Variants in KCNN2 observed in about 807,000 individuals in gnomAD.
The protein encoded by KCNN2 is small conductance calcium-activated potassium channel protein 2.
Under a neutral mutation model 55.5 loss-of-function variants are expected in KCNN2, and 24 were observed. The observed-to-expected ratio is 0.43, with a 90% CI of 0.31 to 0.61. KCNN2 has a LOEUF of 0.61. Among genes scored for constraint, KCNN2 ranks in the 20% least tolerant of loss-of-function variants. The probability of loss-of-function intolerance (pLI) is 0.08; values close to 1 mark genes in which losing one functional copy is unlikely to be tolerated. For missense variants in KCNN2, 754 were observed against 853.6 expected (o/e 0.88, Z 1.45); for synonymous variants, 431 against 336.1 (o/e 1.28, Z -3.09).
intron 2 of KCNN2, among the ~76,000 whole-genome samples, chr5:114,292,548 T>C (rs948654482): frequency 7.9e-5 from 12 of 152,226 alleles, no homozygotes; most frequent in African/African-American, 2.2e-4. Flanking sequence ...TCCATTGGTC[T>C]ATATCTCTGT....
intron 3 of KCNN2, among the ~76,000 whole-genome samples, chr5:114,456,462 C>A (rs369994248): frequency 7.1e-4 from 108 of 152,340 alleles, no homozygotes; most frequent in South Asian, 4.1e-3. Context: ...CACCCAAGAT[C>A]TCCGATGGAG....
At chr5:114,245,596 C>A (rs1754734299) in intron 2 of KCNN2, among the ~76,000 whole-genome samples, 1 of 152,156 alleles carries the variant, frequency 6.6e-6, no homozygotes, top group African/African-American at 2.4e-5. Context: ...GGATGAATTG[C>A]TTGCCTGTCT....
intron 1 of KCNN2, among the ~76,000 whole-genome samples, chr5:114,202,585 A>ATTTTTTTTTTT (rs34199170): frequency 1.1e-5 from 1 of 92,152 alleles, no homozygotes; most frequent in African/African-American, 4.3e-5. Context: ...ATATATATAT[A>ATTTTTTTTTTT]TTTTTTTTTT....
intron 2 of KCNN2, among the ~76,000 whole-genome samples, chr5:114,310,701 C>A (rs1225171987): frequency 2.0e-5 from 3 of 151,952 alleles, no homozygotes; most frequent in South Asian, 2.1e-4. Flanking sequence ...TTTATAAGTT[C>A]TTAGGAAGGT....
At chr5:114,097,590 G>A (rs1051255369) in intron 1 of KCNN2, among the ~76,000 whole-genome samples, 5 of 152,108 alleles carry the variant, frequency 3.3e-5, no homozygotes, top group African/African-American at 9.7e-5. Context: ...CAGTCCTGCC[G>A]CTATTGAAGG....
At chr5:114,424,879 G>A (rs1759574278) in intron 3 of KCNN2, among the ~76,000 whole-genome samples, 1 of 152,108 alleles carries the variant, frequency 6.6e-6, no homozygotes, top group African/African-American at 2.4e-5. Flanking sequence ...GGGCAATGAT[G>A]GATTTTATCT....
rs116070290 is a variant in KCNN2 at position 114,116,615 on chromosome 5, G to A, written c.-271+60115G>A. On this transcript the variant is annotated intron_variant, in intron 1 of 10. Transcript: ENST00000512097. The stretch of plus-strand genomic sequence containing the variant: ...GCAGTTTAGTAATATCCATTACTTC[G>A]TGCATATATTGCTAATGATTACAAA... 6.8e-3 allele frequency among the ~76,000 whole-genome samples: 1,030 copies of A among 152,190 alleles called. 4 individuals carry two copies. The highest frequency in any genetic ancestry group is 0.011 in the Non-Finnish European group (733 of 68,008).
chr5:114,396,979 G>T (rs1438309653), intron 2 of KCNN2, among the ~76,000 whole-genome samples: 2 of 152,106 alleles, frequency 1.3e-5, no homozygotes, highest in Non-Finnish European at 2.9e-5. Context: ...TGTGGTATTT[G>T]ATTTTCTATT....
At chr5:114,374,023 A>C (rs1757860102) in intron 2 of KCNN2, among the ~76,000 whole-genome samples, 2 of 152,044 alleles carry the variant, frequency 1.3e-5, no homozygotes, top group South Asian at 4.1e-4. Flanking sequence ...TTAGGAGAGA[A>C]GTAATAATTT....
chr5:114,134,456 A>ATGATTGAT lies in KCNN2; in HGVS notation c.-271+77961_-271+77962insGATTGATT, dbSNP rs755442466. Among the ~76,000 whole-genome samples, 943 of 101,476 alleles carry ATGATTGAT rather than the reference A, an allele frequency of 9.3e-3. 5 individuals carry two copies. Among genetic ancestry groups the ATGATTGAT allele is most frequent in the African/African-American group, 0.024 (611 of 25,180 alleles). 66.6% of individuals were successfully genotyped at this position (101,476 alleles called of 152,430 possible). A position where few individuals can be genotyped will look rare whatever the true frequency, so the allele number is the denominator to read the frequency against. On this transcript the variant is annotated intron_variant, in intron 1 of 10. Coordinates refer to the KCNN2 transcript ENST00000512097. ...AATACTTTAACTTTGCAATCCAACC[A>ATGATTGAT]TGATTTATTTATTTATTTATTTATT...
rs1337049199 is a variant in KCNN2 at position 114,404,846 on chromosome 5, G to A, written c.1627G>A (p.Ala543Thr). 1 of 1,604,822 alleles carries A rather than the reference G, an allele frequency of 6.2e-7. No individual in the cohort carries two copies. Among genetic ancestry groups the A allele is most frequent in the Non-Finnish European group, 8.5e-7 (1 of 1,173,450 alleles). The part of the protein sequence containing the change: ...LWIIAAWTVR[A>T]CERYHDQQDV... ...GATAATTGCCGCATGGACTGTCCGA[G>A]CTTGTGAAAGGTAAGTTTGTTTCTT... The change falls in exon 3 of 8, where the codon GCT becomes ACT. Residue 543 changes from alanine (A) to threonine (T), a missense_variant. Physicochemically the swap from Ala to Thr is moderately conservative, Grantham distance 58. Transcript: ENST00000673685.
chr5:114,360,397 C>T (rs1023136527), upstream of KCNN2, among the ~76,000 whole-genome samples: 4 of 152,156 alleles, frequency 2.6e-5, no homozygotes, highest in African/African-American at 7.2e-5. Flanking sequence ...ATTCCAATTA[C>T]CTAATGACCT....
chr5:114,298,820 C>T (rs1467392480), intron 2 of KCNN2, among the ~76,000 whole-genome samples: 2 of 152,204 alleles, frequency 1.3e-5, no homozygotes, highest in East Asian at 3.9e-4. Context: ...TTTTCTACAT[C>T]ATGTGTGATC....
intron 2 of KCNN2, among the ~76,000 whole-genome samples, chr5:114,291,226 A>G (rs1405051753): frequency 6.6e-6 from 1 of 151,928 alleles, no homozygotes; most frequent in African/African-American, 2.4e-5. Context: ...TTTAGGGTAC[A>G]TGTGCACAAT....
chr5:114,464,857 C>T (rs1761368422), intron 4 of KCNN2, among the ~76,000 whole-genome samples: 1 of 149,058 alleles, frequency 6.7e-6, no homozygotes, highest in African/African-American at 2.5e-5. Flanking sequence ...ACTATTGGAT[C>T]ACTTCCCCTT....
chr5:114,250,282 G>A (rs764835466), intron 2 of KCNN2, among the ~76,000 whole-genome samples: 1 of 152,118 alleles, frequency 6.6e-6, no homozygotes, highest in Non-Finnish European at 1.5e-5. Flanking sequence ...ATGATTCTCT[G>A]TTATCTTAAC....
chr5:114,476,395 G>A (rs1761968369), intron 5 of KCNN2, among the ~76,000 whole-genome samples: 1 of 151,696 alleles, frequency 6.6e-6, no homozygotes, highest in Non-Finnish European at 1.5e-5. Context: ...GTCTCTTATA[G>A]GTCTGAGAAA....
chr5:114,331,517 G>C (rs960141204), intron 2 of KCNN2, among the ~76,000 whole-genome samples: 1 of 152,136 alleles, frequency 6.6e-6, no homozygotes, highest in Non-Finnish European at 1.5e-5. Context: ...AGAATTTGTA[G>C]TGTTAAGGGG....
At chr5:114,258,663 T>A (rs1311423651) in intron 2 of KCNN2, among the ~76,000 whole-genome samples, 1 of 152,214 alleles carries the variant, frequency 6.6e-6, no homozygotes, top group Non-Finnish European at 1.5e-5. Flanking sequence ...CATGGCCTGA[T>A]CGGGCAGGAA....
Sources: allele counts gnomAD v4.1 joint callset (sites outside exome capture counted in the v4.1 genomes callset), GRCh38; gene constraint gnomAD v4.1.1; transcripts MANE v1.5; gene names NCBI Gene and HGNC (gene_info 2026-07-23, HGNC 2026-07-21).